Variants in SEC24D observed in about 807,000 individuals in gnomAD.
The protein encoded by SEC24D is SEC24 homolog D, COPII component.
Under a neutral mutation model 116.9 loss-of-function variants are expected in SEC24D, and 69 were observed. The ratio of observed to expected loss-of-function variants is 0.59; its 90% CI spans 0.49 to 0.72. The LOEUF is 0.72. Ranked by LOEUF, SEC24D falls within the 30% of genes least tolerant of loss-of-function variation. The probability of loss-of-function intolerance (pLI) is 0.00; values close to 1 mark genes in which losing one functional copy is unlikely to be tolerated. For missense variants in SEC24D, 1,131 were observed against 1,264.1 expected (o/e 0.89, Z 1.60); for synonymous variants, 405 against 442.8 (o/e 0.91, Z 1.07).
chr4:118,749,377 T>C (rs939636565), intron 13 of SEC24D, among the ~76,000 whole-genome samples: 3 of 152,338 alleles, frequency 2.0e-5, no homozygotes, highest in Middle Eastern at 3.4e-3. Flanking sequence ...TACTGTTTGC[T>C]TCAAGAAGTT....
chr4:118,741,801 CTTA>C (rs1006985143), intron 15 of SEC24D, among the ~76,000 whole-genome samples: 10 of 152,154 alleles, frequency 6.6e-5, no homozygotes, highest in African/African-American at 2.2e-4. Flanking sequence ...CCTTTAGTTG[CTTA>C]CATACAACTG....
intron 22 of SEC24D, among the ~76,000 whole-genome samples, chr4:118,725,856 G>T (rs542262852): frequency 6.6e-6 from 1 of 152,270 alleles, no homozygotes; most frequent in African/African-American, 2.4e-5. Flanking sequence ...GTATTGGCCT[G>T]TCTTGACACA....
chr4:118,766,992 T>C (rs989506316), intron 9 of SEC24D, among the ~76,000 whole-genome samples: 1 of 151,956 alleles, frequency 6.6e-6, no homozygotes, highest in African/African-American at 2.4e-5. Context: ...CTCAATGGGA[T>C]ATCCAATTTG....
At chr4:118,731,602 T>C (rs1444976240) in intron 20 of SEC24D, 95 bp from the exon 21 acceptor site, 6 of 966,268 alleles carry the variant, frequency 6.2e-6, no homozygotes, top group East Asian at 4.9e-5. Context: ...CTCCCCTCCC[T>C]CAATGCATAG....
At chr4:118,750,414 T>C (rs1022658168) in intron 13 of SEC24D, among the ~76,000 whole-genome samples, 1 of 152,204 alleles carries the variant, frequency 6.6e-6, no homozygotes, top group African/African-American at 2.4e-5. Flanking sequence ...AAATGAAATA[T>C]GGGGTTGAGC....
At chr4:118,798,594 T>C (rs760445679) in intron 7 of SEC24D, among the ~76,000 whole-genome samples, 2 of 152,242 alleles carry the variant, frequency 1.3e-5, no homozygotes, top group South Asian at 2.1e-4. Context: ...TCCTAGGTGC[T>C]TGCAGAGCTT....
At chr4:118,737,315 C>T (rs1726010318) in intron 19 of SEC24D, among the ~76,000 whole-genome samples, 1 of 152,100 alleles carries the variant, frequency 6.6e-6, no homozygotes, top group Non-Finnish European at 1.5e-5. Context: ...ATATGATTAT[C>T]AACAGAAGAG....
intron 8 of SEC24D, among the ~76,000 whole-genome samples, chr4:118,768,749 A>T (rs528879623): frequency 6.6e-6 from 1 of 152,314 alleles, no homozygotes; most frequent in East Asian, 1.9e-4. Context: ...GACAGTAAAG[A>T]TGTCTTTATT....
chr4:118,815,616 C>T lies in SEC24D; in HGVS notation c.508G>A (p.Val170Ile), dbSNP rs757483008. 7 of 1,614,120 alleles carry T rather than the reference C, an allele frequency of 4.3e-6. No homozygotes were observed. The South Asian group carries it at 7.7e-5, about 18-fold the overall frequency. ...AGTGTGGTGGGTGGTGGTGGAAGAA[C>T]TTGAGATCCAGGCTGCAAAATGGAA... ...QPSILQPGSQVLPPPPTTLNG... is the reference protein window; with the variant it reads ...QPSILQPGSQILPPPPTTLNG... The change falls in exon 5 of 23, where the codon GTT (valine) becomes ATT (isoleucine). Residue 170 changes from valine (V) to isoleucine (I), a missense_variant. By Grantham distance (29) the Val-to-Ile change is conservative (BLOSUM62 3). Coordinates refer to ENST00000280551, the MANE Select transcript of SEC24D (RefSeq NM_014822.4).
intron 7 of SEC24D, among the ~76,000 whole-genome samples, chr4:118,802,621 G>C (rs1729491870): frequency 6.6e-6 from 1 of 152,204 alleles, no homozygotes. Context: ...CTAGGCTGCA[G>C]GCTAAGGAGA....
At chr4:118,764,312 C>A (rs1727531343) in intron 10 of SEC24D, 1 of 152,170 alleles carries the variant, frequency 6.6e-6, no homozygotes, top group Admixed American at 6.6e-5. Context: ...AATCAAAGGC[C>A]AGGATCTCAG....
chr4:118,815,707 TG>T lies in SEC24D; in HGVS notation c.416del (p.Pro139GlnfsTer132). Reference sequence around the variant, plus strand: ...ACAGAGGGCCAGGGGGTCCCTGGCTTGGAGGAGCCATGCCTGAACCTGTGTG... The same window carrying T: ...ACAGAGGGCCAGGGGGTCCCTGGCTTGAGGAGCCATGCCTGAACCTGTGTG... ...INSYGSGMAPPSQGPPGPLSA... is the reference protein window; with the variant it reads ...INSYGSGMAPXSQGPPGPLSA... On this transcript the variant is annotated frameshift_variant, in exon 5 of 23. Transcript: ENST00000280551. LOFTEE classifies it high-confidence loss of function. The T allele has an allele frequency of 6.2e-7, 1 of 1,613,986 alleles. No homozygotes were observed. The highest frequency in any genetic ancestry group is 8.5e-7 in the Non-Finnish European group (1 of 1,179,996).
chr4:118,729,634 T>C (rs1036226322), intron 21 of SEC24D: 1 of 152,238 alleles, frequency 6.6e-6, no homozygotes, highest in African/African-American at 2.4e-5. Context: ...CCAATCCAGC[T>C]GCACGTGGCA....
At chr4:118,734,240 G>A (rs1283196134) in intron 19 of SEC24D, among the ~76,000 whole-genome samples, 1 of 151,336 alleles carries the variant, frequency 6.6e-6, no homozygotes, top group Middle Eastern at 3.2e-3. Flanking sequence ...TTGAGATGGA[G>A]TCTCACTCTG....
At chr4:118,760,774 C>A (rs1727338515) in intron 10 of SEC24D, among the ~76,000 whole-genome samples, 1 of 151,908 alleles carries the variant, frequency 6.6e-6, no homozygotes, top group African/African-American at 2.4e-5. Context: ...GTGGTGCGAT[C>A]TCGGCTCAGT....
chr4:118,811,528 T>C (rs1729921998), intron 6 of SEC24D, among the ~76,000 whole-genome samples: 1 of 152,230 alleles, frequency 6.6e-6, no homozygotes, highest in African/African-American at 2.4e-5. Flanking sequence ...CAGATTACTT[T>C]CCATAATGTG....
Position 118,752,908 on chromosome 4 carries a change from T to C in SEC24D, c.1422-20A>G. 1 of 1,306,086 alleles carries C rather than the reference T, an allele frequency of 7.7e-7. No homozygotes were observed. Among genetic ancestry groups the C allele is most frequent in the Non-Finnish European group, 1.1e-6 (1 of 940,270 alleles). The allele number at this position is 1,306,086 out of a possible 1,614,324, so 80.9% of individuals were successfully genotyped here. A position where few individuals can be genotyped will look rare whatever the true frequency, so the allele number is the denominator to read the frequency against. ...TCTTCCCTGTAAGGAAAAAAAAAAG[T>C]GTTTGAGATGCTTTATAAATTTAGA... On this transcript the variant is annotated intron_variant, in intron 11 of 22. Coordinates refer to ENST00000280551, the MANE Select transcript of SEC24D (RefSeq NM_014822.4).
rs180806444 is a variant in SEC24D, at chr4:118,789,814, G to A, written c.1041+7869C>T. ...TTAGCCAGGATGGTCTTGATCTCCT[G>A]ACCTCGTGATCCACCCACCTTGGCC... is the stretch of plus-strand genomic sequence containing the variant. On this transcript the variant is annotated intron_variant, in intron 8 of 22. Transcript: ENST00000280551. Among the ~76,000 whole-genome samples the A allele has an allele frequency of 5.7e-4, 87 of 152,264 alleles. 1 individual carries two copies. In the East Asian group the frequency reaches 0.014, roughly 25 times the overall value.
At chr4:118,801,588 A>T (rs1052274936) in intron 7 of SEC24D, among the ~76,000 whole-genome samples, 1 of 152,232 alleles carries the variant, frequency 6.6e-6, no homozygotes, top group Non-Finnish European at 1.5e-5. Context: ...CCATGAACTA[A>T]GAATTTTAAA....
Sources: gnomAD v4.1 joint callset for allele counts (sites outside exome capture counted in the v4.1 genomes callset) on GRCh38, gnomAD v4.1.1 for gene constraint, MANE v1.5 for transcripts, NCBI Gene and HGNC (gene_info 2026-07-23, HGNC 2026-07-21) for gene names.